The following DEF6 variants were observed in gnomAD, a reference collection of about 807,000 sequenced individuals.
The protein encoded by DEF6 is differentially expressed in FDCP 6 homolog.
A neutral mutation model predicts 80.5 loss-of-function variants in DEF6; 32 were observed. The observed-to-expected ratio is 0.40, with a 90% CI of 0.30 to 0.53. The LOEUF (loss-of-function observed/expected upper bound fraction) is 0.53. Among genes scored for constraint, DEF6 ranks in the 20% least tolerant of loss-of-function variants. DEF6 has a pLI of 0.57. For synonymous variants in DEF6, 300 were observed against 337.9 expected (o/e 0.89, Z 1.23); for missense variants, 575 against 818.7 (o/e 0.70, Z 3.63).
intron 1 of DEF6, among the ~76,000 whole-genome samples, chr6:35,299,903 G>A (rs1469632168): frequency 6.6e-6 from 1 of 152,174 alleles, no homozygotes; most frequent in African/African-American, 2.4e-5. Flanking sequence ...AAGCAAAGGA[G>A]TAATAGAGAA....
intron 1 of DEF6, among the ~76,000 whole-genome samples, chr6:35,307,812 T>G (rs1791411864): frequency 6.6e-6 from 1 of 152,142 alleles, no homozygotes; most frequent in South Asian, 2.1e-4. Flanking sequence ...TGAGGCAAAG[T>G]CTCAATACTT....
intron 9 of DEF6, 149 bp downstream of exon 9, chr6:35,320,166 G>C: frequency 4.2e-6 from 3 of 709,328 alleles, no homozygotes; most frequent in East Asian, 5.4e-5. Context: ...CTTGGAGTTA[G>C]TCTCTCACCT....
intron 5 of DEF6, among the ~76,000 whole-genome samples, chr6:35,313,851 C>T (rs1043397715): frequency 6.6e-6 from 1 of 152,122 alleles, no homozygotes; most frequent in Admixed American, 6.5e-5. Flanking sequence ...CACTTCTGGG[C>T]ACTTAGGTTG....
chr6:35,314,862 T>C (rs1229807773), intron 5 of DEF6, among the ~76,000 whole-genome samples: 1 of 152,214 alleles, frequency 6.6e-6, no homozygotes, highest in Non-Finnish European at 1.5e-5. Flanking sequence ...TGTCCTGGAA[T>C]ATTTCTCCAA....
rs1791593672 is a variant in DEF6 at position 35,321,543 on chromosome 6, A to G, written c.*133A>G. 1.7e-5 allele frequency: 13 copies of G among 769,422 alleles called. No homozygotes were observed. The highest frequency in any genetic ancestry group is 1.1e-4 in the Admixed American group (4 of 35,590). The allele number at this position is 769,422 out of a possible 1,614,324, so 47.7% of individuals were successfully genotyped here. ...TGCCAGGGGCCCAGGCCCTCCAACC[A>G]TAAACAGTCCAGGATGGAACCTGGT... On this transcript the variant is annotated 3_prime_UTR_variant, in exon 11 of 11. Coordinates refer to ENST00000316637, the MANE Select transcript of DEF6 (RefSeq NM_022047.4).
chr6:35,316,026 A>ATTT (rs35189215), intron 5 of DEF6: 83 of 153,258 alleles, frequency 5.4e-4, no homozygotes, highest in South Asian at 2.9e-3. Context: ...CACCTGGCTA[A>ATTT]TTTTTTTTTT....
intron 1 of DEF6, 31 bp downstream of exon 1, chr6:35,297,983 G>T: frequency 6.5e-7 from 1 of 1,549,598 alleles, no homozygotes. Flanking sequence ...GGGGGAGGAC[G>T]GCAGATGCAC....
intron 1 of DEF6, among the ~76,000 whole-genome samples, chr6:35,303,715 G>A (rs1307476637): frequency 6.6e-6 from 1 of 152,224 alleles, no homozygotes; most frequent in Non-Finnish European, 1.5e-5. Flanking sequence ...AAGGTGATCA[G>A]GCCGGGCAGG....
intron 5 of DEF6, chr6:35,317,602 G>T: frequency 3.4e-6 from 1 of 292,242 alleles, no homozygotes; most frequent in Non-Finnish European, 6.4e-6. Flanking sequence ...TACTGGCAGT[G>T]TTCAAGCGTG....
intron 1 of DEF6, among the ~76,000 whole-genome samples, chr6:35,307,864 G>A (rs913531889): frequency 7.2e-5 from 11 of 152,178 alleles, no homozygotes; most frequent in Non-Finnish European, 4.4e-5. Context: ...TGAAGGCTTG[G>A]CACACACACC....
intron 3 of DEF6, 147 bp downstream of exon 3, chr6:35,310,791 C>T: frequency 3.4e-6 from 3 of 875,264 alleles, no homozygotes; most frequent in African/African-American, 3.4e-5. Context: ...CCTCACCCAG[C>T]TGTCTCCAGA....
chr6:35,304,373 C>T (rs1791364754), intron 1 of DEF6, among the ~76,000 whole-genome samples: 1 of 152,132 alleles, frequency 6.6e-6, no homozygotes. Context: ...TATATATTCC[C>T]TGAGAAGGTG....
At chr6:35,301,247 T>G (rs1224863756) in intron 1 of DEF6, among the ~76,000 whole-genome samples, 2 of 152,168 alleles carry the variant, frequency 1.3e-5, no homozygotes, top group Non-Finnish European at 2.9e-5. Context: ...GCTGGCTGGC[T>G]AGGATCATTA....
intron 10 of DEF6, 66 bp downstream of exon 10, chr6:35,321,040 C>T: frequency 3.2e-6 from 5 of 1,582,884 alleles, no homozygotes; most frequent in Admixed American, 1.7e-5. Flanking sequence ...AGAAAGGTCT[C>T]CCTGGGAGAC....
intron 5 of DEF6, among the ~76,000 whole-genome samples, chr6:35,315,922 G>A (rs954446198): frequency 5.0e-5 from 7 of 141,264 alleles, no homozygotes; most frequent in Non-Finnish European, 7.6e-5. Context: ...GCAATGGCAC[G>A]ATCTCAGCTC....
intron 1 of DEF6, among the ~76,000 whole-genome samples, chr6:35,304,864 CT>C (rs1791369296): frequency 6.6e-6 from 1 of 151,402 alleles, no homozygotes; most frequent in Non-Finnish European, 1.5e-5. Flanking sequence ...TAATGGCACC[CT>C]TTTTCATCCC....
rs914312026 is a variant in DEF6 at position 35,319,105 on chromosome 6, T to A, written c.1216-419T>A. 9.9e-5 allele frequency among the ~76,000 whole-genome samples: 15 copies of A among 152,098 alleles called. No individual in the cohort carries two copies. Among genetic ancestry groups the A allele is most frequent in the Non-Finnish European group, 2.2e-4 (15 of 68,006 alleles). On this transcript the variant is annotated intron_variant, in intron 7 of 10. Coordinates refer to ENST00000316637, the MANE Select transcript of DEF6 (RefSeq NM_022047.4). This position sits in a 1 kb window ranked among gnomAD's most constrained non-coding sequence, Gnocchi z 4.5. ...ATGAGGAAACACTTGTAGTGTCCAG[T>A]AACTTTTTGTTGTAATAATTGTAGT... is the stretch of plus-strand genomic sequence containing the variant.
At position 35,309,740 on chromosome 6, in the gene DEF6, G is replaced by A. The variant is rs1288931168; in HGVS notation, c.167G>A (p.Arg56Gln). Residue 56 changes from arginine to glutamine, a missense_variant, in exon 2 of 11, where the codon CGA becomes CAA. Physicochemically the swap from Arg to Gln is conservative, Grantham distance 43. Coordinates refer to ENST00000316637, the MANE Select transcript of DEF6 (RefSeq NM_022047.4). ...HDPVALEEHF[R>Q]DDDDGPVSSQ... Reference sequence around the variant, plus strand: ...CCCGTGGCCCTGGAGGAACACTTCCGAGATGATGATGACGGCCCTGTGTCC... The same window carrying A: ...CCCGTGGCCCTGGAGGAACACTTCCAAGATGATGATGACGGCCCTGTGTCC... 6 of 1,613,906 alleles carry A rather than the reference G, an allele frequency of 3.7e-6. No individual in the cohort carries two copies. Among genetic ancestry groups the A allele is most frequent in the Admixed American group, 3.3e-5 (2 of 59,992 alleles).
At chr6:35,307,078 T>C (rs1344683931) in intron 1 of DEF6, among the ~76,000 whole-genome samples, 1 of 152,204 alleles carries the variant, frequency 6.6e-6, no homozygotes, top group Non-Finnish European at 1.5e-5. Flanking sequence ...ATCTCTCCCA[T>C]GAGTGTCTGT....
Sources: allele counts gnomAD v4.1 joint callset (sites outside exome capture counted in the v4.1 genomes callset), GRCh38; gene constraint gnomAD v4.1.1; non-coding constraint Gnocchi (gnomAD v3.1); transcripts MANE v1.5; gene names NCBI Gene and HGNC (gene_info 2026-07-23, HGNC 2026-07-21).